THSD4: variants seen among roughly 807,000 people sequenced by gnomAD.
The protein encoded by THSD4 is thrombospondin type 1 domain containing 4.
In THSD4, 69 loss-of-function variants were observed where a neutral mutation model predicts 119.0. The ratio of observed to expected loss-of-function variants is 0.58; its 90% CI spans 0.48 to 0.71. The LOEUF is 0.71. Ranked by LOEUF, THSD4 falls within the 30% of genes least tolerant of loss-of-function variation. THSD4 has a pLI of 0.00. For synonymous variants in THSD4, 524 were observed against 540.4 expected (o/e 0.97, Z 0.42); for missense variants, 1,393 against 1,391.1 (o/e 1.00, Z -0.02).
At chr15:71,332,415 C>T (rs114689473) in intron 6 of THSD4, among the ~76,000 whole-genome samples, 211 of 152,250 alleles carry the variant, frequency 1.4e-3, no homozygotes, top group African/African-American at 4.9e-3. Flanking sequence ...TACATGGGTA[C>T]GTGTCTGTGT....
chr15:71,473,500 C>G (rs1158262726), intron 7 of THSD4, among the ~76,000 whole-genome samples: 1 of 152,188 alleles, frequency 6.6e-6, no homozygotes, highest in Non-Finnish European at 1.5e-5. Context: ...TCAAATCTAC[C>G]AGGCAACCTA....
intron 7 of THSD4, among the ~76,000 whole-genome samples, chr15:71,534,986 A>G (rs2048669510): frequency 6.6e-6 from 1 of 152,190 alleles, no homozygotes. Flanking sequence ...AAAAACAGGT[A>G]TAATTTATAC....
intron 7 of THSD4, among the ~76,000 whole-genome samples, chr15:71,560,099 C>T (rs1342611949): frequency 2.0e-5 from 3 of 152,056 alleles, no homozygotes; most frequent in African/African-American, 7.2e-5. Context: ...TTTTCTGATT[C>T]AGCATATTCA....
intron 7 of THSD4, among the ~76,000 whole-genome samples, chr15:71,534,189 A>G (rs1055424794): frequency 1.3e-5 from 2 of 152,136 alleles, no homozygotes; most frequent in East Asian, 1.9e-4. Flanking sequence ...GGCTCAAGCA[A>G]TCCTCCCACC....
intron 6 of THSD4, among the ~76,000 whole-genome samples, chr15:71,368,263 T>C (rs1216790286): frequency 6.6e-6 from 1 of 152,254 alleles, no homozygotes; most frequent in Non-Finnish European, 1.5e-5. Flanking sequence ...TTGTTTCTTT[T>C]GCTGTGCAGA....
intron 8 of THSD4, among the ~76,000 whole-genome samples, chr15:71,662,264 G>T (rs78365998): frequency 0.14 from 22 of 154 alleles, no homozygotes; most frequent in East Asian, 0.48. Context: ...GTGGTTTTAC[G>T]GGGGGGGAGG....
At chr15:71,687,086 G>A (rs1228244752) in intron 8 of THSD4, among the ~76,000 whole-genome samples, 12 of 152,230 alleles carry the variant, frequency 7.9e-5, no homozygotes, top group Admixed American at 6.5e-4. Flanking sequence ...AGGATATCAC[G>A]CTTCCTTCCA....
chr15:71,540,460 T>G (rs1883113273), intron 7 of THSD4, among the ~76,000 whole-genome samples: 2 of 86,558 alleles, frequency 2.3e-5, no homozygotes, highest in Admixed American at 1.4e-4. Context: ...TTTAAACGAG[T>G]CTCTGTCACC....
rs568224856 is a variant in THSD4 at position 71,454,120 on chromosome 15, G to C, written c.1152+42297G>C. ...AAAAATACAAAAATTAGCCAGGTGT[G>C]GTGGTGCATGCCTGTAATTCCAGCT... is the stretch of plus-strand genomic sequence containing the variant. On this transcript the variant is annotated intron_variant, in intron 7 of 17. Transcript: ENST00000261862. Among the ~76,000 whole-genome samples the C allele has an allele frequency of 2.9e-3, 435 of 152,238 alleles. 1 individual carries two copies. Among genetic ancestry groups the C allele is most frequent in the African/African-American group, 9.7e-3 (404 of 41,534 alleles).
chr15:71,512,117 C>T lies in THSD4; in HGVS notation c.1152+100294C>T, dbSNP rs1723225668. Among the ~76,000 whole-genome samples, 5 of 152,224 alleles carry T rather than the reference C, an allele frequency of 3.3e-5. 1 individual carries two copies. The highest frequency in any genetic ancestry group is 2.6e-4 in the Admixed American group (4 of 15,286). On this transcript the variant is annotated intron_variant, in intron 7 of 17. Coordinates refer to ENST00000261862, the MANE Select transcript of THSD4 (RefSeq NM_024817.3). ...AGCAGCTAAGAAATCAGGGGGTAACCGCCCAGGCTGAACACATGGCAAATT... is the reference window on the plus strand; with the variant it reads ...AGCAGCTAAGAAATCAGGGGGTAACTGCCCAGGCTGAACACATGGCAAATT...
chr15:71,469,844 C>T (rs1289432595), intron 7 of THSD4, among the ~76,000 whole-genome samples: 1 of 152,164 alleles, frequency 6.6e-6, no homozygotes, highest in African/African-American at 2.4e-5. Context: ...AAATGAACAA[C>T]ATGTGCTAAA....
intron 7 of THSD4, among the ~76,000 whole-genome samples, chr15:71,556,607 A>G (rs1314577209): frequency 6.6e-6 from 1 of 152,056 alleles, no homozygotes; most frequent in African/African-American, 2.4e-5. Flanking sequence ...TGAAAAATAG[A>G]AAAAATGTTA....
intron 3 of THSD4, among the ~76,000 whole-genome samples, chr15:71,192,915 C>T (rs2043685437): frequency 6.6e-6 from 1 of 152,134 alleles, no homozygotes; most frequent in Non-Finnish European, 1.5e-5. Context: ...AGTTTTCCAT[C>T]CTTCATGGGA....
At chr15:71,347,265 C>T (rs539630817) in intron 6 of THSD4, among the ~76,000 whole-genome samples, 19 of 152,198 alleles carry the variant, frequency 1.2e-4, no homozygotes, top group Non-Finnish European at 2.5e-4. Flanking sequence ...TTACTGTGTA[C>T]TCCGTCACCC....
At chr15:71,506,539 C>G (rs2048191678) in intron 7 of THSD4, among the ~76,000 whole-genome samples, 2 of 152,194 alleles carry the variant, frequency 1.3e-5, no homozygotes, top group Admixed American at 1.3e-4. Flanking sequence ...AACCTTTAGT[C>G]CCCTCCAGCA....
chr15:71,753,381 TAAGA>T (rs1187078664), intron 14 of THSD4, among the ~76,000 whole-genome samples: 2 of 152,210 alleles, frequency 1.3e-5, no homozygotes, highest in African/African-American at 4.8e-5. Context: ...ACCTAATTTC[TAAGA>T]AAGTTTTCCA....
intron 7 of THSD4, among the ~76,000 whole-genome samples, chr15:71,646,521 T>A (rs143800734): frequency 5.9e-5 from 9 of 152,334 alleles, no homozygotes; most frequent in Non-Finnish European, 1.2e-4. Context: ...GGAATTGATA[T>A]CATTTATTTG....
chr15:71,547,154 CCCCAGCT>C (rs1310987549), intron 7 of THSD4: 3 of 1,262,642 alleles, frequency 2.4e-6, no homozygotes, highest in Non-Finnish European at 2.0e-6. Flanking sequence ...AAAGGCAGCC[CCCCAGCT>C]CCCAGCTGGC....
chr15:71,341,975 T>G (rs1388684255), intron 6 of THSD4, among the ~76,000 whole-genome samples: 2 of 152,166 alleles, frequency 1.3e-5, no homozygotes, highest in Non-Finnish European at 2.9e-5. Flanking sequence ...AAAAAATTAC[T>G]CCATATCCTA....
Sources: gnomAD v4.1 joint callset for allele counts (sites outside exome capture counted in the v4.1 genomes callset) on GRCh38, gnomAD v4.1.1 for gene constraint, MANE v1.5 for transcripts, NCBI Gene and HGNC (gene_info 2026-07-23, HGNC 2026-07-21) for gene names.